Variants in IMMP2L observed in about 807,000 individuals in gnomAD.
The protein encoded by IMMP2L is inner mitochondrial membrane peptidase subunit 2.
In IMMP2L, 18 loss-of-function variants were observed where a neutral mutation model predicts 19.3. The ratio of observed to expected loss-of-function variants is 0.93; its 90% CI spans 0.64 to 1.38. The LOEUF (loss-of-function observed/expected upper bound fraction) is 1.38. IMMP2L is among the 40% of genes most tolerant of loss of function. The pLI is 0.00. For missense variants in IMMP2L, 233 were observed against 218.2 expected, an observed-to-expected ratio of 1.07 and a Z score of -0.43; for synonymous variants, 76 against 73.0, an observed-to-expected ratio of 1.04 and a Z score of -0.21.
intron 3 of IMMP2L, among the ~76,000 whole-genome samples, chr7:111,303,357 G>C (rs547021037): frequency 6.6e-6 from 1 of 152,062 alleles, no homozygotes; most frequent in Non-Finnish European, 1.5e-5. Flanking sequence ...TCAGAACAAT[G>C]AATCTCTGGC....
chr7:111,445,714 C>T (rs1258912020), intron 3 of IMMP2L, among the ~76,000 whole-genome samples: 8 of 152,092 alleles, frequency 5.3e-5, no homozygotes, highest in Non-Finnish European at 8.8e-5. Context: ...CCAAGATGGC[C>T]GAATAGGAAC....
chr7:111,516,786 T>A (rs1164998108), intron 2 of IMMP2L, among the ~76,000 whole-genome samples: 1 of 152,062 alleles, frequency 6.6e-6, no homozygotes, highest in Admixed American at 6.6e-5. Context: ...GAGCCAAAAG[T>A]AATTTGGGCA....
chr7:111,273,618 G>A (rs1171250400), intron 3 of IMMP2L, among the ~76,000 whole-genome samples: 1 of 152,138 alleles, frequency 6.6e-6, no homozygotes, highest in Admixed American at 6.5e-5. Context: ...GTGAGATTCA[G>A]AGATAGGGGA....
At chr7:110,751,386 A>T (rs1797708797) in intron 5 of IMMP2L, among the ~76,000 whole-genome samples, 1 of 151,914 alleles carries the variant, frequency 6.6e-6, no homozygotes. Context: ...TCCATTGTCT[A>T]GATGTTTCAA....
intron 5 of IMMP2L, among the ~76,000 whole-genome samples, chr7:110,681,256 T>G (rs1260612752): frequency 1.3e-5 from 2 of 152,130 alleles, no homozygotes; most frequent in African/African-American, 4.8e-5. Flanking sequence ...TTACTGGCTC[T>G]TAATTTGAAG....
intron 5 of IMMP2L, among the ~76,000 whole-genome samples, chr7:110,686,848 G>C (rs1793151601): frequency 6.6e-6 from 1 of 151,934 alleles, no homozygotes; most frequent in Non-Finnish European, 1.5e-5. Context: ...ACTGGTACCA[G>C]ATTAATTTTC....
intron 5 of IMMP2L, among the ~76,000 whole-genome samples, chr7:110,725,330 T>A (rs1425556871): frequency 1.3e-5 from 2 of 152,154 alleles, no homozygotes; most frequent in Non-Finnish European, 2.9e-5. Flanking sequence ...CTTAAATAAA[T>A]CAGTATTTTG....
At chr7:110,879,886 G>T (rs1235356643) in intron 5 of IMMP2L, among the ~76,000 whole-genome samples, 1 of 151,964 alleles carries the variant, frequency 6.6e-6, no homozygotes, top group Non-Finnish European at 1.5e-5. Flanking sequence ...TTTCTTTATT[G>T]AATATACTAG....
intron 3 of IMMP2L, among the ~76,000 whole-genome samples, chr7:111,295,985 TAAAA>T (rs3052106): frequency 0.34 from 46,909 of 136,270 alleles, 8,083 homozygotes; most frequent in South Asian, 0.61. Flanking sequence ...GAAAGAATGT[TAAAA>T]AAAAAAAAAA....
chr7:111,446,365 C>A (rs574488058), intron 3 of IMMP2L, among the ~76,000 whole-genome samples: 2 of 142,038 alleles, frequency 1.4e-5, no homozygotes, highest in African/African-American at 2.9e-5. Flanking sequence ...GATCTGAGAA[C>A]AGGCAGACTG....
chr7:110,768,835 A>G (rs1304585389), intron 5 of IMMP2L, among the ~76,000 whole-genome samples: 2 of 152,154 alleles, frequency 1.3e-5, no homozygotes, highest in African/African-American at 2.4e-5. Context: ...TTCAAAACCC[A>G]TGTTGTCTAG....
At chr7:111,301,010 T>C (rs780890846) in intron 3 of IMMP2L, among the ~76,000 whole-genome samples, 1 of 152,166 alleles carries the variant, frequency 6.6e-6, no homozygotes, top group African/African-American at 2.4e-5. Flanking sequence ...CATAGGAAAC[T>C]GCCACACTGT....
chr7:110,927,947 T>C (rs1174702209), intron 4 of IMMP2L, among the ~76,000 whole-genome samples: 1 of 152,098 alleles, frequency 6.6e-6, no homozygotes, highest in Non-Finnish European at 1.5e-5. Context: ...GTATCTCTTA[T>C]CTCCACTCTG....
At chr7:110,753,517 G>A (rs1206535506) in intron 5 of IMMP2L, among the ~76,000 whole-genome samples, 5 of 151,996 alleles carry the variant, frequency 3.3e-5, no homozygotes, top group African/African-American at 1.2e-4. Flanking sequence ...ACATTTCAAT[G>A]AAATGCTGAA....
intron 3 of IMMP2L, among the ~76,000 whole-genome samples, chr7:111,450,902 C>A (rs1839083641): frequency 6.6e-6 from 1 of 151,650 alleles, no homozygotes; most frequent in South Asian, 2.1e-4. Flanking sequence ...GGGCGAGGGA[C>A]ATGAACAGGC....
At chr7:110,704,612 CTG>C (rs1794520389) in intron 5 of IMMP2L, among the ~76,000 whole-genome samples, 1 of 152,228 alleles carries the variant, frequency 6.6e-6, no homozygotes, top group Non-Finnish European at 1.5e-5. Context: ...ATTCATTAGA[CTG>C]TTAACTTTGT....
At chr7:110,796,452 C>T (rs1800869763) in intron 5 of IMMP2L, among the ~76,000 whole-genome samples, 1 of 151,994 alleles carries the variant, frequency 6.6e-6, no homozygotes, top group African/African-American at 2.4e-5. Context: ...CTTTTCTTGT[C>T]TTCATTATTC....
At chr7:110,943,745 G>T (rs2129553290) in intron 4 of IMMP2L, among the ~76,000 whole-genome samples, 1 of 152,086 alleles carries the variant, frequency 6.6e-6, no homozygotes, top group Admixed American at 6.6e-5. Flanking sequence ...GAAGAAGTTA[G>T]TCTAAGCTGA....
intron 3 of IMMP2L, among the ~76,000 whole-genome samples, chr7:111,243,042 G>A (rs920779018): frequency 2.6e-5 from 4 of 151,756 alleles, no homozygotes; most frequent in Non-Finnish European, 5.9e-5. Flanking sequence ...CACTTTTCTT[G>A]TGAACCACAT....
Sources: gnomAD v4.1 joint callset for allele counts (sites outside exome capture counted in the v4.1 genomes callset) on GRCh38, gnomAD v4.1.1 for gene constraint, MANE v1.5 for transcripts, NCBI Gene and HGNC (gene_info 2026-07-23, HGNC 2026-07-21) for gene names.